The following TRAPPC3L variants were observed in gnomAD, a reference collection of about 807,000 sequenced individuals.
TRAPPC3L encodes the protein trafficking protein particle complex subunit 3L, also known as trafficking protein particle complex subunit 3-like protein.
Under a neutral mutation model 23.7 loss-of-function variants are expected in TRAPPC3L, and 23 were observed. That is an observed-to-expected ratio of 0.97 (90% confidence interval 0.70 to 1.37). The LOEUF (loss-of-function observed/expected upper bound fraction) is 1.37. Ranked by LOEUF, TRAPPC3L falls within the 40% of genes most tolerant of loss-of-function variation. The pLI is 0.00. For synonymous variants in TRAPPC3L, 81 were observed against 77.9 expected (o/e 1.04, Z -0.21); for missense variants, 212 against 216.8 (o/e 0.98, Z 0.14).
chr6:116,511,006 CAGAA>C (rs1464761007), intron 3 of TRAPPC3L, among the ~76,000 whole-genome samples: 6 of 150,790 alleles, frequency 4.0e-5, no homozygotes, highest in African/African-American at 1.5e-4. Context: ...TTTGGAGACT[CAGAA>C]AGAGGGAGAG....
chr6:116,537,147 A>G (rs1773150439), intron 3 of TRAPPC3L, among the ~76,000 whole-genome samples: 2 of 152,206 alleles, frequency 1.3e-5, no homozygotes, highest in Non-Finnish European at 2.9e-5. Flanking sequence ...GTCTTACACT[A>G]GAGAAGGGTG....
Position 116,509,094 on chromosome 6 carries a change from A to G in TRAPPC3L, c.241-8428T>C, listed in dbSNP as rs1190717635. ...TCAATCCCTTTTATAAGAGTTGTAA[A>G]AAAAAAAAAAAAAAAAAACCCACCG... On this transcript the variant is annotated intron_variant, in intron 3 of 4. Coordinates refer to ENST00000368602, the MANE Select transcript of TRAPPC3L (RefSeq NM_001139444.3). 1.5e-3 allele frequency among the ~76,000 whole-genome samples: 71 copies of G among 48,662 alleles called. 1 individual carries two copies. Among genetic ancestry groups the G allele is most frequent in the South Asian group, 4.3e-3 (8 of 1,864 alleles). The allele number at this position is 48,662 out of a possible 152,430, so 31.9% of individuals were successfully genotyped here. A position where few individuals can be genotyped will look rare whatever the true frequency, so the allele number is the denominator to read the frequency against.
intron 3 of TRAPPC3L, among the ~76,000 whole-genome samples, chr6:116,508,770 C>A (rs979349045): frequency 6.6e-6 from 1 of 152,064 alleles, no homozygotes; most frequent in African/African-American, 2.4e-5. Flanking sequence ...AGAAGTGGAA[C>A]AAGACAGGGA....
At chr6:116,541,301 A>G (rs1195091511) in intron 2 of TRAPPC3L, among the ~76,000 whole-genome samples, 1 of 152,204 alleles carries the variant, frequency 6.6e-6, no homozygotes, top group African/African-American at 2.4e-5. Context: ...AGCTGAGAAA[A>G]TGTGACCTTC....
chr6:116,509,897 A>T (rs1405739472), intron 3 of TRAPPC3L, among the ~76,000 whole-genome samples: 1 of 152,184 alleles, frequency 6.6e-6, no homozygotes, highest in Non-Finnish European at 1.5e-5. Context: ...GCAACCCACA[A>T]AATGGGAGAA....
chr6:116,516,660 AATATATAT>A (rs57050552), intron 3 of TRAPPC3L: 5,964 of 103,562 alleles, frequency 0.058, 266 homozygotes, highest in African/African-American at 0.079. Flanking sequence ...AGTAGTAACA[AATATATAT>A]ATATATATAT....
At position 116,509,097 on chromosome 6, in the gene TRAPPC3L, A is replaced by G. The variant is rs866632804; in HGVS notation, c.241-8431T>C. Among the ~76,000 whole-genome samples the G allele has an allele frequency of 9.9e-3, 1,485 of 150,300 alleles. 8 individuals are homozygous for G. The highest frequency in any genetic ancestry group is 0.01 in the Non-Finnish European group (704 of 67,370). Reference sequence around the variant, plus strand: ...ATCCCTTTTATAAGAGTTGTAAAAAAAAAAAAAAAAAAAAACCCACCGATG... The same window carrying G: ...ATCCCTTTTATAAGAGTTGTAAAAAGAAAAAAAAAAAAAAACCCACCGATG... On this transcript the variant is annotated intron_variant, in intron 3 of 4. Coordinates refer to ENST00000368602, the MANE Select transcript of TRAPPC3L (RefSeq NM_001139444.3).
At chr6:116,507,095 T>C (rs1241546694) in intron 3 of TRAPPC3L, among the ~76,000 whole-genome samples, 3 of 130,758 alleles carry the variant, frequency 2.3e-5, no homozygotes, top group Non-Finnish European at 5.2e-5. Context: ...GGAGATAATA[T>C]GGTTTGTAAA....
intron 3 of TRAPPC3L, among the ~76,000 whole-genome samples, chr6:116,533,331 A>G (rs930264909): frequency 6.6e-6 from 1 of 152,262 alleles, no homozygotes; most frequent in Non-Finnish European, 1.5e-5. Flanking sequence ...AGTATTTAAC[A>G]AAAAGTCTTT....
At chr6:116,526,043 C>T (rs182183936) in intron 3 of TRAPPC3L, among the ~76,000 whole-genome samples, 84 of 143,054 alleles carry the variant, frequency 5.9e-4, no homozygotes, top group East Asian at 1.7e-3. Context: ...TGGGTTTCAC[C>T]GACCCTATGC....
intron 3 of TRAPPC3L, among the ~76,000 whole-genome samples, chr6:116,511,434 G>A (rs914578642): frequency 6.6e-6 from 1 of 152,062 alleles, no homozygotes; most frequent in African/African-American, 2.4e-5. Context: ...TGGAAAGAAG[G>A]TTAAAATGGA....
intron 3 of TRAPPC3L, chr6:116,515,832 C>A (rs200089126): frequency 6.2e-7 from 1 of 1,613,838 alleles, no homozygotes; most frequent in African/African-American, 1.3e-5. Flanking sequence ...CCCATGCCTA[C>A]GTTTGCTGCC....
At chr6:116,533,675 C>T (rs535157231) in intron 3 of TRAPPC3L, among the ~76,000 whole-genome samples, 2 of 152,302 alleles carry the variant, frequency 1.3e-5, no homozygotes, top group South Asian at 2.1e-4. Context: ...CTACTTGTAA[C>T]GCTAGAGCTC....
chr6:116,511,698 T>G, intron 3 of TRAPPC3L: 1 of 1,612,890 alleles, frequency 6.2e-7, no homozygotes, highest in Non-Finnish European at 8.5e-7. Context: ...ATCTCCAACA[T>G]GGATGCTTTT....
intron 3 of TRAPPC3L, among the ~76,000 whole-genome samples, chr6:116,527,497 A>G (rs1385115407): frequency 7.0e-6 from 1 of 142,898 alleles, no homozygotes; most frequent in Non-Finnish European, 1.5e-5. Flanking sequence ...TCTGGGCGAC[A>G]GAGCGAGACT....
chr6:116,531,204 T>C (rs1772700361), intron 3 of TRAPPC3L, among the ~76,000 whole-genome samples: 1 of 151,838 alleles, frequency 6.6e-6, no homozygotes, highest in South Asian at 2.1e-4. Context: ...ACAGGGCTAG[T>C]GATTGGCTGG....
chr6:116,499,689 T>C (rs777176195), intron 4 of TRAPPC3L, among the ~76,000 whole-genome samples: 2 of 152,318 alleles, frequency 1.3e-5, no homozygotes, highest in Non-Finnish European at 2.9e-5. Flanking sequence ...TGTTAGATTA[T>C]TTTTCTCCTG....
At position 116,540,479 on chromosome 6, in the gene TRAPPC3L, G is replaced by C; in HGVS notation, c.141-17C>G. 1 of 1,548,318 alleles carries C rather than the reference G, an allele frequency of 6.5e-7. No homozygotes were observed. The highest frequency in any genetic ancestry group is 1.2e-5 in the South Asian group (1 of 83,394). Reference sequence around the variant, plus strand: ...CCGTAACCCCTGTGGATGACGGAAAGAGTGTGGTCTGAAAATTCTAAGAAA... The same window carrying C: ...CCGTAACCCCTGTGGATGACGGAAACAGTGTGGTCTGAAAATTCTAAGAAA... On this transcript the variant is annotated splice_polypyrimidine_tract_variant and intron_variant, in intron 2 of 4. Coordinates refer to ENST00000368602, the MANE Select transcript of TRAPPC3L (RefSeq NM_001139444.3).
intron 2 of TRAPPC3L, among the ~76,000 whole-genome samples, chr6:116,541,355 C>G (rs1220605613): frequency 1.3e-5 from 2 of 152,116 alleles, no homozygotes; most frequent in Non-Finnish European, 2.9e-5. Flanking sequence ...AAACCTCTAT[C>G]AAAATTGGTC....
Sources: allele counts gnomAD v4.1 joint callset (sites outside exome capture counted in the v4.1 genomes callset), GRCh38; gene constraint gnomAD v4.1.1; transcripts MANE v1.5; gene names NCBI Gene and HGNC (gene_info 2026-07-23, HGNC 2026-07-21).